PTPRG: variants seen among roughly 807,000 people sequenced by gnomAD.
PTPRG encodes receptor-type tyrosine-protein phosphatase gamma.
Under a neutral mutation model 165.3 loss-of-function variants are expected in PTPRG, and 102 were observed. The observed-to-expected ratio is 0.62, with a 90% CI of 0.53 to 0.73. The LOEUF (loss-of-function observed/expected upper bound fraction) is 0.73. PTPRG is among the 30% of genes least tolerant of loss of function. The pLI, the probability that PTPRG is intolerant of heterozygous loss-of-function variation, is 0.00. For synonymous variants in PTPRG, 675 were observed against 669.5 expected (o/e 1.01, Z -0.13); for missense variants, 1,866 against 1,861.4 (o/e 1.00, Z -0.05).
chr3:61,608,640 C>T (rs1032142587), intron 1 of PTPRG, among the ~76,000 whole-genome samples: 2 of 152,184 alleles, frequency 1.3e-5, no homozygotes, highest in Non-Finnish European at 2.9e-5. Flanking sequence ...TCAGCTGGCT[C>T]TGGAAGCCTG....
chr3:61,763,698 C>A (rs1293216562), intron 2 of PTPRG, among the ~76,000 whole-genome samples: 5 of 152,044 alleles, frequency 3.3e-5, no homozygotes, highest in Non-Finnish European at 7.4e-5. Context: ...GGCTAACAAC[C>A]CCATGGCACT....
At chr3:62,109,510 A>T (rs1702591862) in intron 5 of PTPRG, among the ~76,000 whole-genome samples, 1 of 151,910 alleles carries the variant, frequency 6.6e-6, no homozygotes, top group South Asian at 2.1e-4. Flanking sequence ...CTTGCCCAGG[A>T]TTGTCTTGGT....
chr3:61,930,012 T>G (rs2107580816), intron 2 of PTPRG, among the ~76,000 whole-genome samples: 1 of 152,198 alleles, frequency 6.6e-6, no homozygotes. Context: ...ATTGACATAC[T>G]TAATGGTAGA....
intron 2 of PTPRG, among the ~76,000 whole-genome samples, chr3:61,767,064 T>C (rs1484238022): frequency 6.6e-6 from 1 of 151,252 alleles, no homozygotes; most frequent in Non-Finnish European, 1.5e-5. Context: ...GCCAACATGG[T>C]GAAACCCCAT....
At chr3:61,646,636 A>G (rs1702208128) in intron 1 of PTPRG, among the ~76,000 whole-genome samples, 1 of 152,206 alleles carries the variant, frequency 6.6e-6, no homozygotes, top group Non-Finnish European at 1.5e-5. Context: ...CCAGTTTAAC[A>G]TGCACTTATT....
intron 1 of PTPRG, among the ~76,000 whole-genome samples, chr3:61,617,992 G>A (rs892868491): frequency 6.6e-6 from 1 of 152,178 alleles, no homozygotes; most frequent in South Asian, 2.1e-4. Flanking sequence ...AATTATAAAT[G>A]TGCAGGTACA....
At chr3:61,659,026 C>G (rs986866874) in intron 1 of PTPRG, among the ~76,000 whole-genome samples, 1 of 150,664 alleles carries the variant, frequency 6.6e-6, no homozygotes, top group Non-Finnish European at 1.5e-5. Flanking sequence ...AGCATGAGTT[C>G]GGCTGTTTTC....
chr3:61,842,121 G>A (rs2036655682), intron 2 of PTPRG, among the ~76,000 whole-genome samples: 1 of 152,158 alleles, frequency 6.6e-6, no homozygotes. Context: ...CACTGAACAG[G>A]ACAAGAGATA....
intron 1 of PTPRG, among the ~76,000 whole-genome samples, chr3:61,600,190 ATATG>A (rs148883499): frequency 0.037 from 4,337 of 118,274 alleles, 236 homozygotes; most frequent in African/African-American, 0.12. Context: ...ATATATATAT[ATATG>A]TGTGTGTGTG....
At chr3:61,681,626 G>A (rs1187019853) in intron 1 of PTPRG, among the ~76,000 whole-genome samples, 9 of 152,078 alleles carry the variant, frequency 5.9e-5, no homozygotes, top group Non-Finnish European at 1.2e-4. Context: ...TCTATGAAAT[G>A]TGGATTATAA....
intron 2 of PTPRG, among the ~76,000 whole-genome samples, chr3:61,917,932 CAAAAA>C (rs1335537622): frequency 6.6e-6 from 1 of 151,610 alleles, no homozygotes; most frequent in Non-Finnish European, 1.5e-5. Flanking sequence ...AACTCTGTCT[CAAAAA>C]AATAAACAAA....
intron 2 of PTPRG, among the ~76,000 whole-genome samples, chr3:61,986,161 A>G (rs548222815): frequency 2.6e-4 from 39 of 149,028 alleles, no homozygotes; most frequent in African/African-American, 7.0e-4. Context: ...AAAGAGTGGA[A>G]CTCTGCCACT....
intron 2 of PTPRG, among the ~76,000 whole-genome samples, chr3:61,898,467 T>C (rs763521448): frequency 6.6e-6 from 1 of 152,212 alleles, no homozygotes; most frequent in Non-Finnish European, 1.5e-5. Flanking sequence ...TTTCTCTTAT[T>C]GTATCTCTAG....
intron 5 of PTPRG, among the ~76,000 whole-genome samples, chr3:62,086,806 C>A (rs970733316): frequency 1.3e-5 from 2 of 152,142 alleles, no homozygotes; most frequent in African/African-American, 2.4e-5. Context: ...TGTTCAATTG[C>A]AGTTTTGGAA....
chr3:62,193,824 C>T (rs1182972704), intron 9 of PTPRG, among the ~76,000 whole-genome samples: 1 of 152,224 alleles, frequency 6.6e-6, no homozygotes, highest in East Asian at 1.9e-4. Context: ...TGGCTAAGCT[C>T]ACAGAGCTGC....
intron 2 of PTPRG, among the ~76,000 whole-genome samples, chr3:61,783,760 G>A (rs1477272421): frequency 6.6e-6 from 1 of 152,196 alleles, no homozygotes; most frequent in Non-Finnish European, 1.5e-5. Context: ...GAGGTCCTAA[G>A]CCCTGGAAGG....
intron 1 of PTPRG, among the ~76,000 whole-genome samples, chr3:61,678,837 A>G (rs1703327178): frequency 6.6e-6 from 1 of 152,116 alleles, no homozygotes; most frequent in Non-Finnish European, 1.5e-5. Flanking sequence ...GCCCATTGTA[A>G]TACCCAATAG....
chr3:61,817,895 C>G (rs547347381), intron 2 of PTPRG, among the ~76,000 whole-genome samples: 26 of 152,038 alleles, frequency 1.7e-4, no homozygotes, highest in African/African-American at 6.0e-4. Context: ...GTAAAACTTG[C>G]AAGAGGAAGA....
intron 1 of PTPRG, among the ~76,000 whole-genome samples, chr3:61,652,923 T>C (rs552357033): frequency 1.1e-4 from 16 of 152,214 alleles, no homozygotes; most frequent in Non-Finnish European, 2.2e-4. Flanking sequence ...AGAAGCCTGT[T>C]TGGCAGCTGC....
Sources: gnomAD v4.1 joint callset for allele counts (sites outside exome capture counted in the v4.1 genomes callset) on GRCh38, gnomAD v4.1.1 for gene constraint, MANE v1.5 for transcripts, NCBI Gene and HGNC (gene_info 2026-07-23, HGNC 2026-07-21) for gene names.